The following TYW1B variants were observed in gnomAD, a reference collection of about 807,000 sequenced individuals.
TYW1B encodes S-adenosyl-L-methionine-dependent tRNA 4-demethylwyosine synthase TYW1B.
TYW1B carries 73 observed loss-of-function variants against 86.9 expected under a neutral mutation model. That is an observed-to-expected ratio of 0.84 (90% CI 0.70 to 1.02). The LOEUF (loss-of-function observed/expected upper bound fraction) is 1.02. Among genes scored for constraint, TYW1B ranks in the 50% least tolerant of loss-of-function variants. The pLI is 0.00. For synonymous variants in TYW1B, 248 were observed against 292.8 expected (o/e 0.85, Z 1.56); for missense variants, 637 against 827.4 (o/e 0.77, Z 2.82).
At chr7:72,733,959 G>A (rs1364591992) in intron 8 of TYW1B, among the ~76,000 whole-genome samples, 3 of 151,890 alleles carry the variant, frequency 2.0e-5, no homozygotes, top group African/African-American at 7.3e-5. Flanking sequence ...CACAGTACAT[G>A]ACTTCAAAAT....
At chr7:72,731,273 A>C (rs1787101753) in intron 8 of TYW1B, among the ~76,000 whole-genome samples, 1 of 151,794 alleles carries the variant, frequency 6.6e-6, no homozygotes, top group Non-Finnish European at 1.5e-5. Context: ...ATCCTACATC[A>C]GGAAGTGATT....
At chr7:72,605,467 C>T (rs1174259379) in intron 13 of TYW1B, among the ~76,000 whole-genome samples, 1 of 151,966 alleles carries the variant, frequency 6.6e-6, no homozygotes, top group Admixed American at 6.6e-5. Context: ...GATTCTCCTG[C>T]CTCAGCCTCC....
At chr7:72,791,413 CAAAAA>C (rs782341439) in intron 6 of TYW1B, among the ~76,000 whole-genome samples, 23 of 139,700 alleles carry the variant, frequency 1.6e-4, no homozygotes, top group Non-Finnish European at 1.7e-4. Context: ...TGCTAAACCT[CAAAAA>C]AAAAAAAAAA....
At chr7:72,631,438 T>C (rs533000464) in intron 11 of TYW1B, among the ~76,000 whole-genome samples, 141 of 152,196 alleles carry the variant, frequency 9.3e-4, no homozygotes, top group African/African-American at 3.1e-3. Context: ...TGCTTCAACC[T>C]GGGAAGCAGA....
Position 72,575,532 on chromosome 7 carries a change from C to G in TYW1B, c.1973G>C (p.Arg658Thr). Residue 658 changes from arginine (R) to threonine (T), a missense_variant, in exon 14 of 14, where the codon AGA becomes ACA. Transcript: ENST00000620995. ...SFDPKDTRHQRKNKSKAISGC is the reference protein window; with the variant it reads ...SFDPKDTRHQTKNKSKAISGC Reference sequence around the variant, plus strand: ...AGAAATAGCCTTTGATTTGTTCTTTCTCTGATGTCTTGTGTCCTTGGGATC... The same window carrying G: ...AGAAATAGCCTTTGATTTGTTCTTTGTCTGATGTCTTGTGTCCTTGGGATC... 4 of 1,613,950 alleles carry G rather than the reference C, an allele frequency of 2.5e-6. No individual in the cohort carries two copies. The highest frequency in any genetic ancestry group is 3.4e-6 in the Non-Finnish European group (4 of 1,179,852).
Position 72,711,360 on chromosome 7 carries a change from T to C in TYW1B, c.1370+2261A>G, listed in dbSNP as rs1431374336. On this transcript the variant is annotated intron_variant, in intron 10 of 13. Transcript: ENST00000620995. ...TCCCGCCCTGAATCCTTGAAAACTC[T>C]TAGTCTGTAACAGAGTGTGGCTTCT... Among the ~76,000 whole-genome samples the C allele has an allele frequency of 3.9e-5, 6 of 152,032 alleles. 1 individual carries two copies. The highest frequency in any genetic ancestry group is 8.8e-5 in the Non-Finnish European group (6 of 68,026).
At chr7:72,723,396 A>G (rs1554457999) in intron 9 of TYW1B, among the ~76,000 whole-genome samples, 3 of 152,138 alleles carry the variant, frequency 2.0e-5, no homozygotes, top group African/African-American at 7.2e-5. Flanking sequence ...TATAATTGCC[A>G]TTTATACAAG....
intron 7 of TYW1B, among the ~76,000 whole-genome samples, chr7:72,745,028 T>C (rs1190674739): frequency 2.6e-5 from 4 of 152,184 alleles, no homozygotes; most frequent in Admixed American, 6.5e-5. Context: ...GTCGTTCTTT[T>C]GTTTGTTTTG....
intron 11 of TYW1B, among the ~76,000 whole-genome samples, chr7:72,632,394 A>ATACGCG (rs1812540246): frequency 9.3e-6 from 1 of 107,676 alleles, no homozygotes; most frequent in Non-Finnish European, 1.7e-5. Context: ...ATACGTATAT[A>ATACGCG]TATATAATAT....
At chr7:72,741,867 GTCTAGATT>G (rs1787309963) in intron 8 of TYW1B, among the ~76,000 whole-genome samples, 1 of 152,174 alleles carries the variant, frequency 6.6e-6, no homozygotes. Flanking sequence ...AAAACTGTCA[GTCTAGATT>G]TCTATATCTA....
chr7:72,644,711 G>GA (rs1488646216), intron 11 of TYW1B, among the ~76,000 whole-genome samples: 23 of 150,500 alleles, frequency 1.5e-4, no homozygotes, highest in African/African-American at 4.4e-4. Context: ...TTGCAGTGGG[G>GA]AAAAAAATCC....
intron 7 of TYW1B, among the ~76,000 whole-genome samples, chr7:72,772,680 G>C (rs564827019): frequency 2.6e-5 from 4 of 152,216 alleles, no homozygotes; most frequent in African/African-American, 9.6e-5. Flanking sequence ...ATTTCAGAAA[G>C]CATTCAATAC....
At chr7:72,802,822 T>C (rs559416011) in intron 5 of TYW1B, among the ~76,000 whole-genome samples, 14 of 151,758 alleles carry the variant, frequency 9.2e-5, no homozygotes, top group Admixed American at 2.0e-4. Context: ...GGTTTCACCA[T>C]GTTGGCCAGG....
At chr7:72,774,374 C>T (rs1787916969) in intron 7 of TYW1B, among the ~76,000 whole-genome samples, 2 of 109,196 alleles carry the variant, frequency 1.8e-5, no homozygotes, top group Admixed American at 2.0e-4. Flanking sequence ...TTAACCTTGT[C>T]CCAGGGGAAA....
chr7:72,706,730 T>C (rs1435293558), intron 10 of TYW1B, among the ~76,000 whole-genome samples: 13 of 152,182 alleles, frequency 8.5e-5, no homozygotes, highest in African/African-American at 3.1e-4. Flanking sequence ...TGTGGGAAAC[T>C]GAAAACCACA....
chr7:72,820,101 C>T (rs1788800560), intron 2 of TYW1B, among the ~76,000 whole-genome samples: 1 of 151,972 alleles, frequency 6.6e-6, no homozygotes, highest in Non-Finnish European at 1.5e-5. Context: ...ATGGTGAAAC[C>T]CCATCTCTAC....
intron 6 of TYW1B, among the ~76,000 whole-genome samples, chr7:72,800,354 C>T (rs1320494873): frequency 6.6e-6 from 1 of 152,062 alleles, no homozygotes; most frequent in Non-Finnish European, 1.5e-5. Flanking sequence ...CATGCCACTA[C>T]ATCTAGCTAA....
chr7:72,746,400 A>C (rs1554463816), intron 7 of TYW1B, among the ~76,000 whole-genome samples: 1 of 152,232 alleles, frequency 6.6e-6, no homozygotes, highest in Admixed American at 6.5e-5. Context: ...CGAAATGTCC[A>C]ACAAATGCTA....
chr7:72,663,999 ACT>A (rs1554444865), intron 11 of TYW1B, among the ~76,000 whole-genome samples: 1 of 151,800 alleles, frequency 6.6e-6, no homozygotes, highest in Non-Finnish European at 1.5e-5. Context: ...ATAAACATCA[ACT>A]CTCTTACATC....
Sources: allele counts gnomAD v4.1 joint callset (sites outside exome capture counted in the v4.1 genomes callset), GRCh38; gene constraint gnomAD v4.1.1; transcripts MANE v1.5; gene names NCBI Gene and HGNC (gene_info 2026-07-23, HGNC 2026-07-21).